KIAA1958: variants seen among roughly 807,000 people sequenced by gnomAD.
KIAA1958 encodes uncharacterized protein KIAA1958.
Under a neutral mutation model 47.2 loss-of-function variants are expected in KIAA1958, and 14 were observed. The observed-to-expected ratio is 0.30, with a 90% CI of 0.20 to 0.46. The LOEUF is 0.46. Among genes scored for constraint, KIAA1958 ranks in the 20% least tolerant of loss-of-function variants. The pLI, the probability that KIAA1958 is intolerant of heterozygous loss-of-function variation, is 1.00. For missense variants in KIAA1958, 803 were observed against 909.2 expected, an observed-to-expected ratio of 0.88 and a Z score of 1.50; for synonymous variants, 354 against 353.3, an observed-to-expected ratio of 1.00 and a Z score of -0.02.
intron 1 of KIAA1958, among the ~76,000 whole-genome samples, chr9:112,487,392 G>GGGCCGCCC (rs1347692560): frequency 1.3e-5 from 2 of 151,434 alleles, no homozygotes; most frequent in Non-Finnish European, 3.0e-5. Context: ...CGCCTGCCCC[G>GGGCCGCCC]GGCCGCCCCG....
intron 1 of KIAA1958, among the ~76,000 whole-genome samples, chr9:112,571,792 A>T (rs76294980): frequency 0.038 from 5,803 of 151,328 alleles, 163 homozygotes; most frequent in Non-Finnish European, 0.063. Context: ...TAAAAAATAA[A>T]AAATAAATAA....
rs1248457365 is a variant in KIAA1958 at position 112,618,530 on chromosome 9, G to A, written c.1172-27120G>A. ...CTCCCGTGTGTATGCCACCCAGCAC[G>A]CCCCACAGACCTGCCCTGTCCAGGA... On this transcript the variant is annotated intron_variant, in intron 2 of 3. Transcript: ENST00000337530. The surrounding 1 kb of genome is among the most constrained non-coding windows in gnomAD (Gnocchi z 7.1). 7.1e-6 allele frequency: 11 copies of A among 1,550,588 alleles called. No homozygotes were observed. Among genetic ancestry groups the A allele is most frequent in the South Asian group, 2.4e-5 (2 of 84,062 alleles).
intron 2 of KIAA1958, among the ~76,000 whole-genome samples, chr9:112,579,306 G>A (rs1176384579): frequency 6.6e-6 from 1 of 151,990 alleles, no homozygotes; most frequent in Non-Finnish European, 1.5e-5. Flanking sequence ...ATTTTGCTTA[G>A]GAAGTCCTTT....
rs536547936 is a variant in KIAA1958 at position 112,669,282 on chromosome 9, G to A, written c.*9213G>A. The A allele has an allele frequency of 6.6e-6, 1 of 152,154 alleles. No homozygotes were observed. The highest frequency in any genetic ancestry group is 2.4e-5 in the African/African-American group (1 of 41,430). 9.4% of individuals were successfully genotyped at this position (152,154 alleles called of 1,614,324 possible). On this transcript the variant is annotated 3_prime_UTR_variant, in exon 4 of 4. Coordinates refer to ENST00000337530, the MANE Select transcript of KIAA1958 (RefSeq NM_133465.4). Reference sequence around the variant, plus strand: ...TAGTCCAGTAGTCTGTTAACAATTTGTAAGGACCTGGGTTATATTTTAAAG... The same window carrying A: ...TAGTCCAGTAGTCTGTTAACAATTTATAAGGACCTGGGTTATATTTTAAAG...
intron 1 of KIAA1958, among the ~76,000 whole-genome samples, chr9:112,499,304 A>G (rs974081258): frequency 6.6e-6 from 1 of 152,162 alleles, no homozygotes; most frequent in African/African-American, 2.4e-5. Flanking sequence ...TTAGTATTGT[A>G]GTTCTGTTTT....
chr9:112,520,821 T>G (rs1466921140), intron 1 of KIAA1958, among the ~76,000 whole-genome samples: 1 of 152,206 alleles, frequency 6.6e-6, no homozygotes, highest in Non-Finnish European at 1.5e-5. Context: ...CATCTGTGGT[T>G]TGAATCAAGA....
intron 1 of KIAA1958, among the ~76,000 whole-genome samples, chr9:112,546,891 C>T (rs767828105): frequency 6.6e-6 from 1 of 151,954 alleles, no homozygotes; most frequent in East Asian, 1.9e-4. Flanking sequence ...TCTCTGTGCT[C>T]CTTGACACCC....
Position 112,589,598 on chromosome 9 carries a change from A to G in KIAA1958, c.1171+14347A>G, listed in dbSNP as rs932345173. 4.7e-4 allele frequency among the ~76,000 whole-genome samples: 71 copies of G among 152,378 alleles called. 1 individual carries two copies. Among genetic ancestry groups the G allele is most frequent in the African/African-American group, 1.5e-3 (62 of 41,600 alleles). ...ACTCTGTCTCAAAAAAAGAGAATGC[A>G]GGACAGAAATCTGGTGTGGGTTCCT... On this transcript the variant is annotated intron_variant, in intron 2 of 3. Coordinates refer to ENST00000337530, the MANE Select transcript of KIAA1958 (RefSeq NM_133465.4).
intron 1 of KIAA1958, among the ~76,000 whole-genome samples, chr9:112,561,291 C>T (rs1053302299): frequency 9.2e-5 from 14 of 151,884 alleles, no homozygotes; most frequent in African/African-American, 2.4e-4. Context: ...CCTGACCTCG[C>T]GATCTGCCTG....
At chr9:112,543,567 CTTTTTTT>C (rs138422704) in intron 1 of KIAA1958, among the ~76,000 whole-genome samples, 38 of 108,164 alleles carry the variant, frequency 3.5e-4, no homozygotes, top group Admixed American at 3.8e-4. Context: ...TTCTGAGCTT[CTTTTTTT>C]TTTTTTTTTT....
At chr9:112,530,045 G>A (rs1381758995) in intron 1 of KIAA1958, among the ~76,000 whole-genome samples, 22 of 152,156 alleles carry the variant, frequency 1.4e-4, no homozygotes, top group East Asian at 7.8e-4. Flanking sequence ...GGGTTTCACC[G>A]TGTTAGCCAG....
In KIAA1958 at chr9:112,601,607, C is replaced by T. The variant is rs114666144; in HGVS notation, c.1171+26356C>T. Among the ~76,000 whole-genome samples the T allele has an allele frequency of 3.8e-3, 579 of 152,240 alleles. 5 individuals are homozygous for T. Among genetic ancestry groups the T allele is most frequent in the African/African-American group, 0.013 (559 of 41,546 alleles). ...CTCCTGTACACATTTGATGTCTCAC[C>T]CCCACCTTGCAGCACGCACAGTGCC... On this transcript the variant is annotated intron_variant, in intron 2 of 3. Coordinates refer to ENST00000337530, the MANE Select transcript of KIAA1958 (RefSeq NM_133465.4).
chr9:112,659,019 C>CAAAAAAAAAAAAAAAAAAAAAAAAAAA (rs560013892), intron 3 of KIAA1958, among the ~76,000 whole-genome samples: 1 of 57,764 alleles, frequency 1.7e-5, no homozygotes, highest in Non-Finnish European at 3.4e-5. Flanking sequence ...GACTCTGACT[C>CAAAAAAAAAAAAAAAAAAAAAAAAAAA]AAAAAAAAAA....
Position 112,511,626 on chromosome 9 carries a change from A to C in KIAA1958, c.-25+24508A>C, listed in dbSNP as rs187402644. Reference sequence around the variant, plus strand: ...CAATGACCTCAGGTTTTACCTTATGAAATTAGAATACTAAACAAACAGCAA... The same window carrying C: ...CAATGACCTCAGGTTTTACCTTATGCAATTAGAATACTAAACAAACAGCAA... On this transcript the variant is annotated intron_variant, in intron 1 of 3. Coordinates refer to ENST00000337530, the MANE Select transcript of KIAA1958 (RefSeq NM_133465.4). 1.6e-3 allele frequency among the ~76,000 whole-genome samples: 251 copies of C among 152,368 alleles called. 1 individual carries two copies. Among genetic ancestry groups the C allele is most frequent in the Non-Finnish European group, 2.9e-3 (197 of 68,030 alleles).
At chr9:112,632,779 G>A (rs1261791361) in intron 2 of KIAA1958, among the ~76,000 whole-genome samples, 2 of 151,936 alleles carry the variant, frequency 1.3e-5, no homozygotes, top group African/African-American at 4.8e-5. Context: ...TTTGTTCAGT[G>A]CAGGATTTTC....
chr9:112,652,208 A>G (rs546114046), intron 3 of KIAA1958, among the ~76,000 whole-genome samples: 19 of 152,276 alleles, frequency 1.2e-4, no homozygotes, highest in African/African-American at 4.6e-4. Flanking sequence ...CATCAGCCCC[A>G]TGACCAGTCT....
At chr9:112,535,859 A>G (rs1014519938) in intron 1 of KIAA1958, among the ~76,000 whole-genome samples, 4 of 151,832 alleles carry the variant, frequency 2.6e-5, no homozygotes, top group Non-Finnish European at 5.9e-5. Context: ...TTTTTCATCT[A>G]CCTGTTGGCC....
intron 1 of KIAA1958, among the ~76,000 whole-genome samples, chr9:112,534,746 G>T (rs926456953): frequency 2.6e-5 from 4 of 152,004 alleles, no homozygotes; most frequent in African/African-American, 9.7e-5. Context: ...GTTTCTCCAT[G>T]TTGGCCGAGC....
At chr9:112,629,112 C>A (rs1308333277) in intron 2 of KIAA1958, among the ~76,000 whole-genome samples, 1 of 152,130 alleles carries the variant, frequency 6.6e-6, no homozygotes, top group Non-Finnish European at 1.5e-5. Context: ...AGCTTTCTTT[C>A]ACTTTTACTC....
Sources: gnomAD v4.1 joint callset for allele counts (sites outside exome capture counted in the v4.1 genomes callset) on GRCh38, gnomAD v4.1.1 for gene constraint, Gnocchi (gnomAD v3.1) non-coding constraint, MANE v1.5 for transcripts, NCBI Gene and HGNC (gene_info 2026-07-23, HGNC 2026-07-21) for gene names.